Variants in SCAPER observed in about 807,000 individuals in gnomAD.
SCAPER encodes the protein S phase cyclin A-associated protein in the endoplasmic reticulum.
In SCAPER, 98 loss-of-function variants were observed where a neutral mutation model predicts 182.2. That is an observed-to-expected ratio of 0.54 (90% CI 0.46 to 0.64). The LOEUF is 0.64. Among genes scored for constraint, SCAPER ranks in the 30% least tolerant of loss-of-function variants. SCAPER has a pLI of 0.00. For missense variants in SCAPER, 1,432 were observed against 1,690.0 expected (o/e 0.85, Z 2.68); for synonymous variants, 605 against 564.6 (o/e 1.07, Z -1.01).
chr15:76,895,594 T>C (rs1004906914), intron 1 of SCAPER, among the ~76,000 whole-genome samples: 7 of 152,088 alleles, frequency 4.6e-5, no homozygotes, highest in African/African-American at 1.7e-4. Context: ...GCAGATTACA[T>C]GATCTTATAT....
At chr15:76,483,654 GAAGAC>G (rs1479762720) in intron 24 of SCAPER, among the ~76,000 whole-genome samples, 1 of 152,090 alleles carries the variant, frequency 6.6e-6, no homozygotes, top group East Asian at 1.9e-4. Flanking sequence ...AACTTAATAC[GAAGAC>G]AAAAAATCTA....
chr15:76,353,983 T>G lies in SCAPER; in HGVS notation c.4013A>C (p.Glu1338Ala). 1 of 1,595,056 alleles carries G rather than the reference T, an allele frequency of 6.3e-7. No individual in the cohort carries two copies. The highest frequency in any genetic ancestry group is 8.5e-7 in the Non-Finnish European group (1 of 1,174,026). Reference sequence around the variant, plus strand: ...AGTGGCCAGTAAAACACAGCTCATCTCTTGCTCCAGAATGATCTTGTTCTG... The same window carrying G: ...AGTGGCCAGTAAAACACAGCTCATCGCTTGCTCCAGAATGATCTTGTTCTG... Reference protein sequence around the residue: ...NHQNKIILEQEMSCVLLATFI... With the variant: ...NHQNKIILEQAMSCVLLATFI... The change falls in exon 30 of 32, where the codon GAG becomes GCG. Residue 1338 changes from glutamate (E) to alanine (A), a missense_variant. This residue lies in a region of SCAPER where 718 missense variants were observed against 799.7 expected (regional missense o/e 0.90). Coordinates refer to ENST00000563290, the MANE Select transcript of SCAPER (RefSeq NM_020843.4).
At chr15:76,523,990 T>C (rs1194739825) in intron 23 of SCAPER, among the ~76,000 whole-genome samples, 3 of 152,162 alleles carry the variant, frequency 2.0e-5, no homozygotes, top group African/African-American at 4.8e-5. Context: ...AAGACTCTTA[T>C]GTTAAACTAT....
At chr15:76,435,787 T>C (rs973234134) in intron 25 of SCAPER, among the ~76,000 whole-genome samples, 5 of 152,246 alleles carry the variant, frequency 3.3e-5, no homozygotes, top group African/African-American at 9.6e-5. Flanking sequence ...CCTTTAAGTT[T>C]TGAAGGATTG....
At chr15:76,514,523 C>G (rs2042277379) in intron 23 of SCAPER, among the ~76,000 whole-genome samples, 1 of 152,158 alleles carries the variant, frequency 6.6e-6, no homozygotes, top group South Asian at 2.1e-4. Flanking sequence ...GGCCTTTGTA[C>G]TTGACTTTTC....
chr15:76,823,840 A>C lies in SCAPER; in HGVS notation c.393+17894T>G, dbSNP rs2067769823. Among the ~76,000 whole-genome samples, 2 of 152,196 alleles carry C rather than the reference A, an allele frequency of 1.3e-5. 1 individual carries two copies. Among genetic ancestry groups the C allele is most frequent in the South Asian group, 4.1e-4 (2 of 4,824 alleles). ...AATTCATTTGACTTAAATCACCTAC[A>C]TTAAGGTACAAAAAGACAACTCAGA... On this transcript the variant is annotated intron_variant, in intron 5 of 31. Transcript: ENST00000563290.
chr15:76,891,403 T>TTA (rs2074157217), intron 1 of SCAPER, among the ~76,000 whole-genome samples: 1 of 152,110 alleles, frequency 6.6e-6, no homozygotes, highest in African/African-American at 2.4e-5. Context: ...GATAACATGA[T>TTA]TATATATTTA....
chr15:76,804,754 C>T, intron 5 of SCAPER, 121 bp from the exon 6 acceptor site: 1 of 510,838 alleles, frequency 2.0e-6, no homozygotes, highest in Non-Finnish European at 3.3e-6. Context: ...AATGAAAAAG[C>T]TGCGTAAGTT....
In SCAPER at chr15:76,574,179, G is replaced by T; in HGVS notation, c.2817C>A (p.Ile939=). The change falls in exon 23 of 32, where the codon ATC becomes ATA. Residue 939 remains isoleucine, a synonymous_variant. Coordinates refer to ENST00000563290, the MANE Select transcript of SCAPER (RefSeq NM_020843.4). ...VSALDRTLGE[I]TRILEKENVA... ...ACACCTCTTTTTCCAGTATTCTAGT[G>T]ATCTCTCCTAGGGTCCGATCCAAAG... The T allele has an allele frequency of 6.2e-7, 1 of 1,606,870 alleles. No individual in the cohort carries two copies. Among genetic ancestry groups the T allele is most frequent in the South Asian group, 1.1e-5 (1 of 90,054 alleles).
intron 24 of SCAPER, among the ~76,000 whole-genome samples, chr15:76,473,141 A>C (rs1000609966): frequency 3.3e-5 from 5 of 152,222 alleles, no homozygotes; most frequent in African/African-American, 4.8e-5. Flanking sequence ...AAAAGCTGTT[A>C]AACAATATGC....
intron 8 of SCAPER, among the ~76,000 whole-genome samples, chr15:76,789,564 G>T (rs753342712): frequency 1.3e-5 from 2 of 151,944 alleles, no homozygotes; most frequent in Non-Finnish European, 2.9e-5. Flanking sequence ...CTATAACTTA[G>T]GTCTCTTTAA....
chr15:76,421,528 G>A (rs952147110), intron 26 of SCAPER, among the ~76,000 whole-genome samples: 1 of 152,136 alleles, frequency 6.6e-6, no homozygotes, highest in Admixed American at 6.5e-5. Context: ...TTAGCCCTTT[G>A]TCAGATGAGC....
intron 5 of SCAPER, among the ~76,000 whole-genome samples, chr15:76,810,885 CT>C (rs1448597965): frequency 4.0e-5 from 6 of 151,888 alleles, no homozygotes; most frequent in African/African-American, 1.4e-4. Context: ...GTAGAAATGA[CT>C]AAATTATCAA....
At chr15:76,628,353 G>A (rs1186627678) in intron 21 of SCAPER, among the ~76,000 whole-genome samples, 5 of 152,174 alleles carry the variant, frequency 3.3e-5, no homozygotes, top group African/African-American at 7.2e-5. Context: ...ATCTTTGCCC[G>A]TGCCTATGTC....
chr15:76,501,869 G>A (rs1235456250), intron 24 of SCAPER, among the ~76,000 whole-genome samples: 1 of 152,220 alleles, frequency 6.6e-6, no homozygotes, highest in African/African-American at 2.4e-5. Context: ...AGGAAAATGA[G>A]AAAGAGTATT....
intron 20 of SCAPER, among the ~76,000 whole-genome samples, chr15:76,685,795 T>C (rs1010428226): frequency 6.6e-6 from 1 of 151,874 alleles, no homozygotes; most frequent in Non-Finnish European, 1.5e-5. Flanking sequence ...TAAGATAACA[T>C]GATAATGGAG....
intron 22 of SCAPER, among the ~76,000 whole-genome samples, chr15:76,608,001 C>A (rs1386805855): frequency 6.6e-6 from 1 of 152,204 alleles, no homozygotes; most frequent in Non-Finnish European, 1.5e-5. Context: ...TCGTCTGAAG[C>A]CTTCTTCTCT....
At chr15:76,455,938 T>TA (rs1374588043) in intron 25 of SCAPER, among the ~76,000 whole-genome samples, 1 of 152,184 alleles carries the variant, frequency 6.6e-6, no homozygotes, top group African/African-American at 2.4e-5. Context: ...GGTTTTCTCT[T>TA]ACTTTGCTGA....
intron 17 of SCAPER, among the ~76,000 whole-genome samples, chr15:76,720,535 A>C (rs1290344261): frequency 6.6e-6 from 1 of 152,212 alleles, no homozygotes; most frequent in African/African-American, 2.4e-5. Flanking sequence ...ACTAGTTTAC[A>C]GTCCCACCAA....
Sources: gnomAD v4.1 joint callset for allele counts (sites outside exome capture counted in the v4.1 genomes callset) on GRCh38, gnomAD v4.1.1 for gene constraint, gnomAD v4.1.1 regional missense constraint, MANE v1.5 for transcripts, NCBI Gene and HGNC (gene_info 2026-07-23, HGNC 2026-07-21) for gene names.